Variants in RHOBTB1 observed in about 807,000 individuals in gnomAD.
RHOBTB1 encodes the protein rho-related BTB domain-containing protein 1.
RHOBTB1 carries 40 observed loss-of-function variants against 71.6 expected under a neutral mutation model. That is an observed-to-expected ratio of 0.56 (90% CI 0.43 to 0.73). The LOEUF (loss-of-function observed/expected upper bound fraction) is 0.73. Among genes scored for constraint, RHOBTB1 ranks in the 30% least tolerant of loss-of-function variants. RHOBTB1 has a pLI of 0.00. For missense variants in RHOBTB1, 797 were observed against 894.0 expected (o/e 0.89, Z 1.38); for synonymous variants, 319 against 334.9 (o/e 0.95, Z 0.52).
intron 9 of RHOBTB1, among the ~76,000 whole-genome samples, chr10:60,873,253 G>A (rs2080886514): frequency 6.6e-6 from 1 of 152,218 alleles, no homozygotes; most frequent in African/African-American, 2.4e-5. Context: ...TCCAGCTTGA[G>A]AGAACCAATT....
chr10:60,987,530 C>T (rs1417648750), intron 1 of RHOBTB1, among the ~76,000 whole-genome samples: 1 of 152,180 alleles, frequency 6.6e-6, no homozygotes, highest in East Asian at 1.9e-4. Flanking sequence ...ATTGACATAT[C>T]CAAGGTCACT....
chr10:60,912,165 TAATC>T (rs576965845), intron 2 of RHOBTB1, among the ~76,000 whole-genome samples: 9 of 152,242 alleles, frequency 5.9e-5, no homozygotes, highest in African/African-American at 2.2e-4. Flanking sequence ...TTATTTGTAT[TAATC>T]AAATTCATAA....
intron 2 of RHOBTB1, among the ~76,000 whole-genome samples, chr10:60,914,378 T>C (rs2083159006): frequency 6.6e-6 from 1 of 152,334 alleles, no homozygotes; most frequent in South Asian, 2.1e-4. Context: ...ACACAGGTTC[T>C]AGTTGGAGTC....
intron 9 of RHOBTB1, among the ~76,000 whole-genome samples, chr10:60,874,036 C>T (rs1465564854): frequency 6.6e-6 from 1 of 152,222 alleles, no homozygotes; most frequent in African/African-American, 2.4e-5. Flanking sequence ...CTGAGCAGCA[C>T]CTGCTGGATG....
At chr10:60,916,732 C>T (rs888973023) in intron 2 of RHOBTB1, among the ~76,000 whole-genome samples, 12 of 152,084 alleles carry the variant, frequency 7.9e-5, no homozygotes, top group East Asian at 1.9e-4. Flanking sequence ...ACGGAATCCG[C>T]GGAACTTGTG....
intron 4 of RHOBTB1, among the ~76,000 whole-genome samples, chr10:60,906,801 G>A (rs1397507664): frequency 6.6e-6 from 1 of 151,574 alleles, no homozygotes; most frequent in African/African-American, 2.4e-5. Context: ...AATTTTATAG[G>A]GGAAAAAAAA....
intron 4 of RHOBTB1, among the ~76,000 whole-genome samples, chr10:60,896,588 A>C (rs1172872000): frequency 1.3e-5 from 2 of 152,182 alleles, no homozygotes; most frequent in Non-Finnish European, 2.9e-5. Flanking sequence ...ACTTTTATTA[A>C]ATATTTTATG....
rs778618696 is a variant in RHOBTB1, at chr10:60,888,297, G to A, written c.1371C>T (p.Ala457=). The change falls in exon 6 of 11, where the codon GCC becomes GCT. Residue 457 remains alanine, a synonymous_variant. Coordinates refer to ENST00000337910, the MANE Select transcript of RHOBTB1 (RefSeq NM_014836.5). ...MMVENIMNKE[A]FMNQEITKAF... ...CTTTCGTAATCTCCTGGTTCATGAA[G>A]GCTTCCTTGTTCATGATGTTTTCCA... 1.2e-6 allele frequency: 2 copies of A among 1,614,030 alleles called. No individual in the cohort carries two copies. The highest frequency in any genetic ancestry group is 1.7e-6 in the Non-Finnish European group (2 of 1,179,964).
chr10:60,886,790 A>G (rs1408164806), intron 6 of RHOBTB1, among the ~76,000 whole-genome samples: 3 of 151,582 alleles, frequency 2.0e-5, no homozygotes, highest in African/African-American at 7.3e-5. Flanking sequence ...CTACTGTCTC[A>G]GTCTCTGAAG....
intron 2 of RHOBTB1, among the ~76,000 whole-genome samples, chr10:60,918,467 C>T (rs1237299670): frequency 6.6e-6 from 1 of 152,192 alleles, no homozygotes; most frequent in East Asian, 1.9e-4. Context: ...GTTCTGCCCC[C>T]ATAACTCAAT....
chr10:60,928,197 G>T (rs1333091317), intron 2 of RHOBTB1, among the ~76,000 whole-genome samples: 1 of 152,174 alleles, frequency 6.6e-6, no homozygotes, highest in East Asian at 1.9e-4. Context: ...ACAGAAAGGG[G>T]AACCCTTGCA....
chr10:60,978,987 A>T (rs771729942), intron 2 of RHOBTB1, among the ~76,000 whole-genome samples: 2 of 152,050 alleles, frequency 1.3e-5, no homozygotes, highest in Non-Finnish European at 2.9e-5. Flanking sequence ...ATCTCCCCCT[A>T]TGTATCATGT....
upstream of RHOBTB1, among the ~76,000 whole-genome samples, chr10:60,947,589 TG>T (rs201249497): frequency 3.7e-4 from 55 of 149,592 alleles, no homozygotes; most frequent in East Asian, 4.3e-3. Context: ...TGACTTTTTT[TG>T]TTTGTTTGTT....
Position 60,899,013 on chromosome 10 carries a change from A to G in RHOBTB1, c.297-6018T>C, listed in dbSNP as rs531801155. Among the ~76,000 whole-genome samples, 6 of 152,346 alleles carry G rather than the reference A, an allele frequency of 3.9e-5. No individual in the cohort carries two copies. In the East Asian group the frequency reaches 1.2e-3, roughly 29 times the overall value. Reference sequence around the variant, plus strand: ...CTTAGAAATGGTTGGTTCTACCATCATAGTACAAATATCATAGGGGTTAAT... The same window carrying G: ...CTTAGAAATGGTTGGTTCTACCATCGTAGTACAAATATCATAGGGGTTAAT... On this transcript the variant is annotated intron_variant, in intron 4 of 10. Coordinates refer to ENST00000337910, the MANE Select transcript of RHOBTB1 (RefSeq NM_014836.5).
intron 2 of RHOBTB1, among the ~76,000 whole-genome samples, chr10:60,939,041 T>C (rs570847788): frequency 3.9e-5 from 6 of 152,288 alleles, no homozygotes; most frequent in Non-Finnish European, 8.8e-5. Context: ...GCTGGGAACT[T>C]GCCATTAACC....
intron 6 of RHOBTB1, 86 bp from the exon 7 acceptor site, chr10:60,886,316 G>A (rs1208661874): frequency 3.4e-6 from 3 of 875,186 alleles, no homozygotes; most frequent in Non-Finnish European, 3.8e-6. Context: ...CCACCAAACT[G>A]CGACTCCCTT....
At chr10:60,999,750 C>G (rs186054284) in intron 1 of RHOBTB1, among the ~76,000 whole-genome samples, 42 of 152,320 alleles carry the variant, frequency 2.8e-4, no homozygotes, top group African/African-American at 9.1e-4. Flanking sequence ...ACCTGCATGC[C>G]CTCCCTGTTA....
Position 60,871,588 on chromosome 10 carries a change from T to C in RHOBTB1, c.1985A>G (p.His662Arg). The part of the protein sequence containing the change: ...PPVWYLKEED[H>R]YQRVKREREK... ...TCGTTCCCTTTTCACACGCTGGTAG[T>C]GATCTTCTTCCTTCAGGTACCACAC... is the stretch of plus-strand genomic sequence containing the variant. Residue 662 changes from histidine to arginine, a missense_variant, in exon 11 of 11, where the codon CAC becomes CGC. This residue lies in a region of RHOBTB1 where 658 missense variants were observed against 681.5 expected (regional missense o/e 0.97). Transcript: ENST00000337910. The C allele has an allele frequency of 1.2e-6, 2 of 1,614,164 alleles. No individual in the cohort carries two copies. The highest frequency in any genetic ancestry group is 1.1e-5 in the South Asian group (1 of 91,080).
chr10:60,911,746 C>A (rs2082983804), intron 2 of RHOBTB1, among the ~76,000 whole-genome samples, 194 bp from the exon 3 acceptor site: 1 of 152,218 alleles, frequency 6.6e-6, no homozygotes, highest in African/African-American at 2.4e-5. Context: ...CACACAAGTA[C>A]AAAAACATGG....
Sources: gnomAD v4.1 joint callset for allele counts (sites outside exome capture counted in the v4.1 genomes callset) on GRCh38, gnomAD v4.1.1 for gene constraint, gnomAD v4.1.1 regional missense constraint, MANE v1.5 for transcripts, NCBI Gene and HGNC (gene_info 2026-07-23, HGNC 2026-07-21) for gene names.